HAPSTR1: variants seen among roughly 807,000 people sequenced by gnomAD.
HAPSTR1 encodes HUWE1 associated protein modifying stress responses, also known as HUWE1-associated protein modifying stress responses 1.
At chr16:9,097,678 G>C in the HAPSTR1 span, among the ~76,000 whole-genome samples, 2 of 152,198 alleles carry the variant, frequency 1.3e-5, no homozygotes, top group African/African-American at 2.4e-5. Context: ...AGCAGCCCAG[G>C]CTCCCCTGCT....
the HAPSTR1 span, chr16:9,092,015 T>TGGCGGC: frequency 6.8e-7 from 1 of 1,475,162 alleles, no homozygotes; most frequent in Non-Finnish European, 9.0e-7. Flanking sequence ...GCGGCGGCGG[T>TGGCGGC]GGCGGCGAGG....
chr16:9,113,546 A>T, the HAPSTR1 span, among the ~76,000 whole-genome samples: 2 of 152,298 alleles, frequency 1.3e-5, no homozygotes, highest in Non-Finnish European at 2.9e-5. Flanking sequence ...TGAGACTCCT[A>T]TGTTAACAAG....
At chr16:9,096,367 A>C in the HAPSTR1 span, among the ~76,000 whole-genome samples, 1 of 151,392 alleles carries the variant, frequency 6.6e-6, no homozygotes, top group African/African-American at 2.4e-5. Context: ...GTGTTGAAAT[A>C]AACTCTGGTG....
the HAPSTR1 span, among the ~76,000 whole-genome samples, chr16:9,116,268 T>A: frequency 6.6e-6 from 1 of 152,196 alleles, no homozygotes; most frequent in Non-Finnish European, 1.5e-5. Context: ...TACACACTCA[T>A]CAGAGGGGTC....
chr16:9,096,374 G>T, the HAPSTR1 span, among the ~76,000 whole-genome samples: 7 of 150,122 alleles, frequency 4.7e-5, no homozygotes, highest in Non-Finnish European at 9.0e-5. Context: ...AATAAACTCT[G>T]GTGTGTATTT....
the HAPSTR1 span, chr16:9,091,692 G>A: frequency 2.1e-4 from 83 of 399,418 alleles, no homozygotes; most frequent in Non-Finnish European, 3.3e-4. Context: ...TGCGCGGAGG[G>A]CTCGGCGATC....
the HAPSTR1 span, chr16:9,091,821 C>T: frequency 3.0e-4 from 38 of 125,470 alleles, 2 homozygotes; most frequent in South Asian, 6.7e-3. Flanking sequence ...CGGCCGGGCC[C>T]GGGGGTGGGA....
the HAPSTR1 span, chr16:9,110,587 C>T: frequency 6.6e-6 from 1 of 152,300 alleles, no homozygotes; most frequent in South Asian, 2.1e-4. Flanking sequence ...ATTTCTTAGA[C>T]AATTGATAAT....
the HAPSTR1 span, among the ~76,000 whole-genome samples, chr16:9,100,098 C>A: frequency 6.6e-6 from 1 of 152,196 alleles, no homozygotes; most frequent in Non-Finnish European, 1.5e-5. Flanking sequence ...TGCTTTTCTC[C>A]TCTAGGACCT....
chr16:9,096,344 A>T, the HAPSTR1 span, among the ~76,000 whole-genome samples: 2 of 152,172 alleles, frequency 1.3e-5, no homozygotes, highest in Non-Finnish European at 2.9e-5. Context: ...CTGTCTTTTT[A>T]AAAATTTTTT....
chr16:9,105,079 C>G, the HAPSTR1 span: 1 of 152,258 alleles, frequency 6.6e-6, no homozygotes, highest in East Asian at 1.9e-4. Flanking sequence ...CCCCTCTGCC[C>G]TCGAAAAACT....
At chr16:9,119,076 T>G in the HAPSTR1 span, 2 of 152,680 alleles carry the variant, frequency 1.3e-5, no homozygotes, top group Non-Finnish European at 2.9e-5. Flanking sequence ...TAGAAAACTT[T>G]AGCATTTGTT....
At chr16:9,097,698 CCT>C in the HAPSTR1 span, among the ~76,000 whole-genome samples, 3 of 152,208 alleles carry the variant, frequency 2.0e-5, no homozygotes, top group Non-Finnish European at 2.9e-5. Flanking sequence ...TCTGTTCTCC[CCT>C]GTGTGCACTC....
chr16:9,092,247 C>T, the HAPSTR1 span: 1 of 1,573,234 alleles, frequency 6.4e-7, no homozygotes. Flanking sequence ...AACTCGGCCA[C>T]CGCCGTGGCC....
At chr16:9,098,617 T>TTGA in the HAPSTR1 span, among the ~76,000 whole-genome samples, 3 of 152,122 alleles carry the variant, frequency 2.0e-5, no homozygotes, top group Non-Finnish European at 2.9e-5. Context: ...GGCTAGGAGT[T>TTGA]TGAGATCAGG....
chr16:9,115,665 C>G, the HAPSTR1 span, among the ~76,000 whole-genome samples: 1 of 152,176 alleles, frequency 6.6e-6, no homozygotes, highest in South Asian at 2.1e-4. Context: ...TCTTGTCACC[C>G]AGGATGGAGT....
At chr16:9,107,888 A>T in the HAPSTR1 span, 2 of 151,916 alleles carry the variant, frequency 1.3e-5, no homozygotes, top group Non-Finnish European at 2.9e-5. Flanking sequence ...TGGCTTTAAC[A>T]GAACATAGCA....
chr16:9,116,998 C>A, the HAPSTR1 span: 109 of 1,544,240 alleles, frequency 7.1e-5, no homozygotes, highest in Non-Finnish European at 9.4e-5. Context: ...AACATGAGGC[C>A]ATCTTCCCTT....
chr16:9,102,185 G>A, the HAPSTR1 span, among the ~76,000 whole-genome samples: 3 of 152,180 alleles, frequency 2.0e-5, no homozygotes, highest in East Asian at 1.9e-4. Context: ...TTGCTTTTAC[G>A]GAAAGTTCAA....
Sources: gnomAD v4.1 joint callset for allele counts (sites outside exome capture counted in the v4.1 genomes callset) on GRCh38, gnomAD v4.1.1 for gene constraint, MANE v1.5 for transcripts, NCBI Gene and HGNC (gene_info 2026-07-23, HGNC 2026-07-21) for gene names.